DIAPH2: variants seen among roughly 807,000 people sequenced by gnomAD.
DIAPH2 encodes diaphanous related formin 2.
A neutral mutation model predicts 92.7 loss-of-function variants in DIAPH2; 35 were observed. That is an observed-to-expected ratio of 0.38 (90% CI 0.29 to 0.50). DIAPH2 has a LOEUF of 0.50. DIAPH2 is among the 20% of genes least tolerant of loss of function. The pLI, the probability that DIAPH2 is intolerant of heterozygous loss-of-function variation, is 0.94. For synonymous variants in DIAPH2, 301 were observed against 280.4 expected (o/e 1.07, Z -0.73); for missense variants, 701 against 819.5 (o/e 0.86, Z 1.77).
chrX:96,741,727 G>C (rs1180995944), intron 3 of DIAPH2, among the ~76,000 whole-genome samples: 1 of 111,274 alleles, frequency 9.0e-6, no homozygotes, highest in East Asian at 2.9e-4. Context: ...CATGTGATCT[G>C]CCTGCCTTGG....
chrX:96,725,793 A>G (rs775768274), intron 1 of DIAPH2, among the ~76,000 whole-genome samples: 2 of 112,519 alleles, frequency 1.8e-5, no homozygotes, highest in Admixed American at 9.4e-5. Flanking sequence ...AAAAAATATA[A>G]TAATACCTTA....
chrX:97,063,888 C>G (rs2066616825), intron 17 of DIAPH2, among the ~76,000 whole-genome samples: 1 of 112,186 alleles, frequency 8.9e-6, no homozygotes, highest in Non-Finnish European at 1.9e-5. Context: ...TTTTTGTAAA[C>G]AAGATGTTAT....
At chrX:97,449,994 T>C (rs2070345780) in intron 26 of DIAPH2, among the ~76,000 whole-genome samples, 1 of 110,139 alleles carries the variant, frequency 9.1e-6, no homozygotes. Flanking sequence ...GATCAAGCGA[T>C]TGTTATGTAT....
At chrX:96,703,337 G>C (rs966232043) in intron 1 of DIAPH2, among the ~76,000 whole-genome samples, 1 of 111,790 alleles carries the variant, frequency 8.9e-6, no homozygotes, top group Non-Finnish European at 1.9e-5. Flanking sequence ...CTGGTAATTG[G>C]CCTGTTTGTA....
At chrX:97,314,809 G>A (rs931403824) in intron 23 of DIAPH2, among the ~76,000 whole-genome samples, 5 of 112,081 alleles carry the variant, frequency 4.5e-5, no homozygotes, top group Non-Finnish European at 9.4e-5. Context: ...TGTTTGTTCA[G>A]GCTACTATTT....
chrX:97,293,999 G>C (rs2068621965), intron 23 of DIAPH2, among the ~76,000 whole-genome samples: 1 of 112,176 alleles, frequency 8.9e-6, no homozygotes, highest in Non-Finnish European at 1.9e-5. Context: ...TCTATGTATA[G>C]GGGAGATCTT....
chrX:96,943,999 T>C (rs1160952727), intron 13 of DIAPH2, among the ~76,000 whole-genome samples: 1 of 111,814 alleles, frequency 8.9e-6, no homozygotes, highest in East Asian at 2.8e-4. Flanking sequence ...TCAAAATCCT[T>C]TGTGAGAAGT....
At chrX:97,214,004 G>C (rs1478380869) in intron 22 of DIAPH2, among the ~76,000 whole-genome samples, 2 of 111,682 alleles carry the variant, frequency 1.8e-5, no homozygotes, top group African/African-American at 3.3e-5. Flanking sequence ...AGGATGAGTA[G>C]GAAATTGCCC....
rs1312411650 is a variant in DIAPH2, at chrX:97,599,294, A to G, written c.3283A>G (p.Asn1095Asp). The G allele has an allele frequency of 3.4e-6, 4 of 1,191,376 alleles. No individual in the cohort carries two copies. The African/African-American group carries it at 7.0e-5, about 21-fold the overall frequency. ...TTTGGAAAGGTCACGCTCTCGCCACAATGGAGCTATCTCATCTAAGTGATT... is the reference window on the plus strand; with the variant it reads ...TTTGGAAAGGTCACGCTCTCGCCACGATGGAGCTATCTCATCTAAGTGATT... ...VPLERSRSRH[N>D]GAISSK The change falls in exon 27 of 27, where the codon AAT becomes GAT. Residue 1095 changes from asparagine to aspartate, a missense_variant. Physicochemically the swap from Asn to Asp is conservative, Grantham distance 23. Around this residue, in one of 3 missense-constraint regions of DIAPH2, gnomAD observed 536 missense variants for 599.3 expected, o/e 0.89. Transcript: ENST00000324765.
chrX:97,256,942 T>G (rs981642211), intron 23 of DIAPH2, among the ~76,000 whole-genome samples: 1 of 109,578 alleles, frequency 9.1e-6, no homozygotes, highest in South Asian at 4.0e-4. Context: ...GGATTACAGG[T>G]GTGAGCCACC....
intron 22 of DIAPH2, among the ~76,000 whole-genome samples, chrX:97,186,153 C>G (rs1375713356): frequency 9.0e-6 from 1 of 111,293 alleles, no homozygotes; most frequent in Non-Finnish European, 1.9e-5. Flanking sequence ...GCACTGCTAC[C>G]CATTACAAAA....
chrX:96,964,272 A>C (rs2065881617), intron 16 of DIAPH2, among the ~76,000 whole-genome samples: 1 of 112,145 alleles, frequency 8.9e-6, no homozygotes, highest in Non-Finnish European at 1.9e-5. Context: ...CTTGGAGTAA[A>C]TGGTTTTAGA....
intron 25 of DIAPH2, among the ~76,000 whole-genome samples, chrX:97,429,418 A>G (rs1255898908): frequency 1.8e-5 from 2 of 111,439 alleles, no homozygotes; most frequent in South Asian, 3.8e-4. Context: ...AATACAAAAG[A>G]CAAGGTCTTT....
chrX:96,884,323 G>A lies in DIAPH2; in HGVS notation c.587+2605G>A, dbSNP rs375731658. 75 of 1,206,838 alleles carry A rather than the reference G, an allele frequency of 6.2e-5. No individual in the cohort carries two copies. Among genetic ancestry groups the A allele is most frequent in the Non-Finnish European group, 7.2e-5 (64 of 893,889 alleles). ...AGCTGTCTTGAAGATGAGTAAGAGT[G>A]GGTTTGGGAGCTATGGCAGCATTTC... On this transcript the variant is annotated intron_variant, in intron 5 of 26. Transcript: ENST00000324765.
intron 23 of DIAPH2, among the ~76,000 whole-genome samples, chrX:97,315,236 C>G (rs2068830546): frequency 9.0e-6 from 1 of 111,511 alleles, no homozygotes; most frequent in Non-Finnish European, 1.9e-5. Flanking sequence ...ACCAGGAGAT[C>G]TGGGCTGCAG....
chrX:96,809,613 A>G (rs1175299278), intron 4 of DIAPH2, among the ~76,000 whole-genome samples: 3 of 109,091 alleles, frequency 2.8e-5, no homozygotes, highest in Non-Finnish European at 5.7e-5. Flanking sequence ...GGTTTGCTGC[A>G]CCCATTAACT....
chrX:97,143,446 A>G (rs899590728), intron 22 of DIAPH2, among the ~76,000 whole-genome samples: 4 of 110,441 alleles, frequency 3.6e-5, no homozygotes, highest in Non-Finnish European at 7.6e-5. Flanking sequence ...GAAGTATGTC[A>G]ATAATATATC....
chrX:96,789,830 A>C (rs142304840), intron 4 of DIAPH2, among the ~76,000 whole-genome samples: 16 of 111,406 alleles, frequency 1.4e-4, no homozygotes, highest in Non-Finnish European at 2.4e-4. Flanking sequence ...TACAGTATCT[A>C]GGCATATTCT....
At chrX:97,459,107 G>A (rs1473352929) in intron 26 of DIAPH2, among the ~76,000 whole-genome samples, 1 of 111,864 alleles carries the variant, frequency 8.9e-6, no homozygotes, top group East Asian at 2.8e-4. Context: ...GACAAGTTTG[G>A]GGAACACTAC....
Sources: allele counts gnomAD v4.1 joint callset (sites outside exome capture counted in the v4.1 genomes callset), GRCh38; gene constraint gnomAD v4.1.1; regional missense constraint gnomAD v4.1.1; transcripts MANE v1.5; gene names NCBI Gene and HGNC (gene_info 2026-07-23, HGNC 2026-07-21).